The following COL11A1 variants were observed in gnomAD, a reference collection of about 807,000 sequenced individuals.
COL11A1 encodes collagen type XI alpha 1 chain, also known as collagen alpha-1(XI) chain.
Under a neutral mutation model 265.2 loss-of-function variants are expected in COL11A1, and 74 were observed. That is an observed-to-expected ratio of 0.28 (90% CI 0.23 to 0.34). The LOEUF (loss-of-function observed/expected upper bound fraction) is 0.34, where lower values mean the gene tolerates loss of function less well. Ranked by LOEUF, COL11A1 falls within the 10% of genes least tolerant of loss-of-function variation. COL11A1 has a pLI of 1.00. For missense variants in COL11A1, 2,165 were observed against 2,263.6 expected (o/e 0.96, Z 0.88); for synonymous variants, 816 against 727.6 (o/e 1.12, Z -1.96).
intron 41 of COL11A1, among the ~76,000 whole-genome samples, chr1:102,949,954 T>G (rs142640395): frequency 4.6e-5 from 7 of 152,304 alleles, no homozygotes; most frequent in African/African-American, 7.2e-5. Flanking sequence ...ATAATCATTC[T>G]CCATCATTCA....
chr1:102,901,846 A>T (rs1653249554), intron 54 of COL11A1, among the ~76,000 whole-genome samples: 2 of 152,180 alleles, frequency 1.3e-5, no homozygotes, highest in Non-Finnish European at 2.9e-5. Flanking sequence ...TCATGTCACA[A>T]ACATTTAAAT....
intron 4 of COL11A1, among the ~76,000 whole-genome samples, chr1:103,062,897 G>C (rs1202145670): frequency 6.6e-6 from 1 of 151,938 alleles, no homozygotes; most frequent in Non-Finnish European, 1.5e-5. Flanking sequence ...TTACAAGGTT[G>C]TGTATACAAG....
chr1:103,034,173 C>T (rs1000187785), intron 4 of COL11A1, among the ~76,000 whole-genome samples: 3 of 152,042 alleles, frequency 2.0e-5, no homozygotes, highest in African/African-American at 7.2e-5. Flanking sequence ...TATGATGTAT[C>T]TGGATGTAGA....
At chr1:102,956,792 A>G (rs557118290) in intron 41 of COL11A1, among the ~76,000 whole-genome samples, 187 of 151,946 alleles carry the variant, frequency 1.2e-3, no homozygotes, top group African/African-American at 4.2e-3. Context: ...GTTATCAAAC[A>G]TTATCTTCTG....
chr1:102,956,609 G>C (rs974352416), intron 41 of COL11A1, among the ~76,000 whole-genome samples: 1 of 151,978 alleles, frequency 6.6e-6, no homozygotes, highest in Non-Finnish European at 1.5e-5. Context: ...TGCATACCAA[G>C]ACCAAGGATT....
At chr1:102,925,765 A>T (rs1385521180) in intron 46 of COL11A1, among the ~76,000 whole-genome samples, 3 of 152,136 alleles carry the variant, frequency 2.0e-5, no homozygotes, top group Non-Finnish European at 4.4e-5. Context: ...ATTCTTAAAC[A>T]TGCATGTATA....
Position 102,876,928 on chromosome 1 carries a change from T to A in COL11A1, c.*1091A>T, listed in dbSNP as rs41292523. The A allele has an allele frequency of 1.8e-3, 277 of 152,548 alleles. 1 individual carries two copies. The highest frequency in any genetic ancestry group is 2.8e-3 in the Non-Finnish European group (191 of 67,956). 9.4% of individuals were successfully genotyped at this position (152,548 alleles called of 1,614,324 possible). On this transcript the variant is annotated 3_prime_UTR_variant, in exon 67 of 67. Coordinates refer to ENST00000370096, the MANE Select transcript of COL11A1 (RefSeq NM_001854.4). ...TTATCTTGAAAGGAAAAAAGTAATA[T>A]TTGTTGGGCAAGTAAAATAATTTTC... is the stretch of plus-strand genomic sequence containing the variant.
chr1:103,071,875 A>G (rs932067410), intron 4 of COL11A1, among the ~76,000 whole-genome samples: 14 of 113,312 alleles, frequency 1.2e-4, no homozygotes, highest in African/African-American at 2.8e-4. Context: ...GTTTGTATAT[A>G]TATATATATA....
chr1:103,033,947 T>C (rs1182122547), intron 4 of COL11A1, among the ~76,000 whole-genome samples: 2 of 152,098 alleles, frequency 1.3e-5, no homozygotes, highest in Admixed American at 1.3e-4. Flanking sequence ...TCCTTTGCAT[T>C]TGAGAGTCAG....
chr1:102,995,751 T>C, intron 28 of COL11A1, 113 bp downstream of exon 28: 1 of 852,662 alleles, frequency 1.2e-6, no homozygotes, highest in South Asian at 1.4e-5. Context: ...ATACTAGCAT[T>C]GCGTAGTATG....
At chr1:103,035,047 G>A (rs1014540178) in intron 4 of COL11A1, among the ~76,000 whole-genome samples, 21 of 152,074 alleles carry the variant, frequency 1.4e-4, no homozygotes, top group African/African-American at 4.8e-4. Context: ...TATCCCAAGA[G>A]ACTTTCTGTG....
intron 28 of COL11A1, among the ~76,000 whole-genome samples, chr1:102,995,420 C>T: frequency 6.6e-6 from 1 of 151,982 alleles, no homozygotes; most frequent in South Asian, 2.1e-4. Flanking sequence ...TCCTCTTTCC[C>T]CAATTAATTT....
At chr1:103,017,931 A>G in intron 10 of COL11A1, 49 bp from the exon 11 acceptor site, 1 of 1,383,266 alleles carries the variant, frequency 7.2e-7, no homozygotes, top group Non-Finnish European at 1.0e-6. Flanking sequence ...TCTCATTAAT[A>G]TTTAGATGAA....
chr1:102,985,927 T>C (rs1273207532), intron 30 of COL11A1, among the ~76,000 whole-genome samples: 1 of 152,144 alleles, frequency 6.6e-6, no homozygotes, highest in East Asian at 1.9e-4. Flanking sequence ...CAATTAGCAA[T>C]GTTTTTTCAA....
chr1:103,039,412 G>C (rs953285387), intron 4 of COL11A1, among the ~76,000 whole-genome samples: 4 of 152,100 alleles, frequency 2.6e-5, no homozygotes, highest in African/African-American at 4.8e-5. Flanking sequence ...CATTGTGACT[G>C]TATTTGGAGA....
At chr1:102,976,540 C>A (rs2101664553) in intron 35 of COL11A1, among the ~76,000 whole-genome samples, 1 of 152,096 alleles carries the variant, frequency 6.6e-6, no homozygotes, top group East Asian at 1.9e-4. Context: ...CTCAGGTAAT[C>A]TGCCCACCTC....
chr1:102,991,139 T>C (rs1447496315), intron 28 of COL11A1, among the ~76,000 whole-genome samples: 1 of 151,878 alleles, frequency 6.6e-6, no homozygotes, highest in East Asian at 1.9e-4. Context: ...GCCAAAATAA[T>C]GATAATGATG....
chr1:103,105,273 T>C (rs183812709), intron 1 of COL11A1, among the ~76,000 whole-genome samples: 1 of 152,258 alleles, frequency 6.6e-6, no homozygotes, highest in East Asian at 1.9e-4. Flanking sequence ...TCATTTACTT[T>C]AAAAATAAAC....
intron 30 of COL11A1, among the ~76,000 whole-genome samples, chr1:102,987,027 C>T (rs1361662749): frequency 6.6e-6 from 1 of 152,036 alleles, no homozygotes; most frequent in Admixed American, 6.6e-5. Context: ...TAAGTAGAAC[C>T]TCTTTCATTG....
Sources: allele counts gnomAD v4.1 joint callset (sites outside exome capture counted in the v4.1 genomes callset), GRCh38; gene constraint gnomAD v4.1.1; transcripts MANE v1.5; gene names NCBI Gene and HGNC (gene_info 2026-07-23, HGNC 2026-07-21).